Variants in NPAS3 observed in about 807,000 individuals in gnomAD.
NPAS3 encodes the protein neuronal PAS domain-containing protein 3.
Under a neutral mutation model 73.1 loss-of-function variants are expected in NPAS3, and 14 were observed. The ratio of observed to expected loss-of-function variants is 0.19; its 90% CI spans 0.13 to 0.30. NPAS3 has a LOEUF of 0.30. Ranked by LOEUF, NPAS3 falls within the 10% of genes least tolerant of loss-of-function variation. The probability of loss-of-function intolerance (pLI) is 1.00; values close to 1 mark genes in which losing one functional copy is unlikely to be tolerated. For synonymous variants in NPAS3, 620 were observed against 541.5 expected, an observed-to-expected ratio of 1.14 and a Z score of -2.01; for missense variants, 1,096 against 1,250.0, an observed-to-expected ratio of 0.88 and a Z score of 1.86.
At chr14:33,029,355 A>T (rs1022733004) in intron 1 of NPAS3, among the ~76,000 whole-genome samples, 1 of 152,198 alleles carries the variant, frequency 6.6e-6, no homozygotes, top group Non-Finnish European at 1.5e-5. Flanking sequence ...AATCTTTTAA[A>T]GTAAAAAATG....
At chr14:33,595,601 A>C (rs1466548747) in intron 5 of NPAS3, among the ~76,000 whole-genome samples, 1 of 152,170 alleles carries the variant, frequency 6.6e-6, no homozygotes, top group Non-Finnish European at 1.5e-5. Context: ...AACAAAAGGG[A>C]AAAAGAAAGA....
intron 2 of NPAS3, among the ~76,000 whole-genome samples, chr14:33,106,364 C>A (rs1376775327): frequency 6.6e-6 from 1 of 152,156 alleles, no homozygotes; most frequent in Non-Finnish European, 1.5e-5. Flanking sequence ...ACTTAACCTG[C>A]TATTAAATGC....
chr14:32,960,717 C>T (rs114228056), intron 1 of NPAS3, among the ~76,000 whole-genome samples: 2,938 of 152,196 alleles, frequency 0.019, 78 homozygotes, highest in African/African-American at 0.068. Context: ...GAATTTTATT[C>T]ATAGTGCATA....
chr14:33,797,423 G>A (rs1490747939), intron 10 of NPAS3, 34 bp from the exon 11 acceptor site: 2 of 1,609,496 alleles, frequency 1.2e-6, no homozygotes, highest in Middle Eastern at 1.7e-4. Flanking sequence ...CAGAATGGGT[G>A]TCTGCACTCC....
intron 5 of NPAS3, among the ~76,000 whole-genome samples, chr14:33,659,835 C>T (rs1247275269): frequency 6.6e-6 from 1 of 151,926 alleles, no homozygotes; most frequent in East Asian, 1.9e-4. Flanking sequence ...GCTGTTCAGA[C>T]AATAGAATAC....
At chr14:33,783,654 T>TG (rs2063052438) in intron 9 of NPAS3, among the ~76,000 whole-genome samples, 1 of 152,060 alleles carries the variant, frequency 6.6e-6, no homozygotes, top group Non-Finnish European at 1.5e-5. Flanking sequence ...TTCAAGTCCA[T>TG]GGGCAGGCAA....
intron 2 of NPAS3, among the ~76,000 whole-genome samples, chr14:33,160,090 A>G (rs1472353317): frequency 2.6e-5 from 4 of 152,194 alleles, no homozygotes; most frequent in African/African-American, 9.6e-5. Context: ...TTTAAGGATA[A>G]CATATCTTAC....
At chr14:33,151,863 AG>A (rs2044457828) in intron 2 of NPAS3, among the ~76,000 whole-genome samples, 1 of 152,184 alleles carries the variant, frequency 6.6e-6, no homozygotes. Context: ...TTTCTCTCTA[AG>A]AGAGGCAGCT....
At chr14:33,236,428 CAT>C (rs140867258) in intron 3 of NPAS3, among the ~76,000 whole-genome samples, 3,468 of 152,208 alleles carry the variant, frequency 0.023, 92 homozygotes, top group East Asian at 0.15. Context: ...ATCCATCTGA[CAT>C]GTGTGCATGG....
intron 1 of NPAS3, among the ~76,000 whole-genome samples, chr14:32,987,108 G>A (rs932429749): frequency 1.3e-5 from 2 of 152,074 alleles, no homozygotes; most frequent in Non-Finnish European, 2.9e-5. Context: ...TTACCATAGA[G>A]CAGAGAGTAT....
chr14:33,104,620 C>G (rs556848587), intron 2 of NPAS3, among the ~76,000 whole-genome samples: 1 of 152,098 alleles, frequency 6.6e-6, no homozygotes, highest in African/African-American at 2.4e-5. Flanking sequence ...CCTGTACTGA[C>G]GTAGTGTTGG....
chr14:33,039,264 G>A (rs2040271288), intron 1 of NPAS3, among the ~76,000 whole-genome samples: 1 of 152,122 alleles, frequency 6.6e-6, no homozygotes, highest in Admixed American at 6.6e-5. Flanking sequence ...TGGAGGAAAA[G>A]AACTTCCTAC....
intron 10 of NPAS3, among the ~76,000 whole-genome samples, chr14:33,796,891 A>C (rs1190006851): frequency 6.6e-6 from 1 of 152,184 alleles, no homozygotes; most frequent in Non-Finnish European, 1.5e-5. Context: ...GCAGATGAAA[A>C]TGTGATTGTA....
At chr14:33,445,808 A>C (rs2139326285) in intron 4 of NPAS3, among the ~76,000 whole-genome samples, 1 of 152,338 alleles carries the variant, frequency 6.6e-6, no homozygotes, top group Middle Eastern at 3.4e-3. Context: ...ACCCATGTTG[A>C]ATAACCAACC....
intron 2 of NPAS3, among the ~76,000 whole-genome samples, chr14:33,089,161 C>T (rs940248114): frequency 4.6e-5 from 7 of 152,132 alleles, no homozygotes; most frequent in South Asian, 2.1e-4. Context: ...ATATCTTTGA[C>T]GAGTTGAGAG....
chr14:33,122,466 C>G (rs111680926), intron 2 of NPAS3, among the ~76,000 whole-genome samples: 1,948 of 152,148 alleles, frequency 0.013, 40 homozygotes, highest in African/African-American at 0.044. Flanking sequence ...TCAAATTATT[C>G]AACTCAAAAA....
At chr14:33,473,493 T>C (rs555212539) in intron 4 of NPAS3, among the ~76,000 whole-genome samples, 1 of 152,326 alleles carries the variant, frequency 6.6e-6, no homozygotes, top group East Asian at 1.9e-4. Flanking sequence ...ATTTATTCAT[T>C]CATCTACTGA....
chr14:33,314,157 T>C (rs1163254239), intron 3 of NPAS3, among the ~76,000 whole-genome samples: 1 of 152,188 alleles, frequency 6.6e-6, no homozygotes, highest in Middle Eastern at 3.4e-3. Flanking sequence ...AGGTAGAATT[T>C]TAGATCAATC....
At chr14:33,355,955 G>A (rs2045320256) in intron 3 of NPAS3, among the ~76,000 whole-genome samples, 1 of 152,214 alleles carries the variant, frequency 6.6e-6, no homozygotes, top group Non-Finnish European at 1.5e-5. Flanking sequence ...CCAGCTCCAT[G>A]CAGGCCCATT....
Sources: allele counts gnomAD v4.1 joint callset (sites outside exome capture counted in the v4.1 genomes callset), GRCh38; gene constraint gnomAD v4.1.1; transcripts MANE v1.5; gene names NCBI Gene and HGNC (gene_info 2026-07-23, HGNC 2026-07-21).